Variants in SUPT3H observed in about 807,000 individuals in gnomAD.
SUPT3H encodes transcription initiation protein SPT3 homolog.
SUPT3H carries 44 observed loss-of-function variants against 44.3 expected under a neutral mutation model. That is an observed-to-expected ratio of 0.99 (90% CI 0.78 to 1.28). The LOEUF (loss-of-function observed/expected upper bound fraction) is 1.28, where lower values mean the gene tolerates loss of function less well. Ranked by LOEUF, SUPT3H falls within the 50% of genes most tolerant of loss-of-function variation. The pLI, the probability that SUPT3H is intolerant of heterozygous loss-of-function variation, is 0.00. For synonymous variants in SUPT3H, 124 were observed against 125.6 expected, an observed-to-expected ratio of 0.99 and a Z score of 0.09; for missense variants, 380 against 387.1, an observed-to-expected ratio of 0.98 and a Z score of 0.15.
intron 4 of SUPT3H, among the ~76,000 whole-genome samples, chr6:45,018,053 G>A (rs981864964): frequency 3.9e-5 from 6 of 152,052 alleles, no homozygotes; most frequent in African/African-American, 1.4e-4. Flanking sequence ...CCTTGAAGAG[G>A]TCCTTCATGT....
intron 10 of SUPT3H, among the ~76,000 whole-genome samples, chr6:44,881,952 C>A (rs979260824): frequency 6.6e-6 from 1 of 152,142 alleles, no homozygotes; most frequent in African/African-American, 2.4e-5. Flanking sequence ...CCAAAATCGA[C>A]ACCCTAACAT....
chr6:45,178,938 C>A (rs1812562405), intron 2 of SUPT3H, among the ~76,000 whole-genome samples: 1 of 151,650 alleles, frequency 6.6e-6, no homozygotes, highest in Non-Finnish European at 1.5e-5. Context: ...AAATTTATAG[C>A]ACTAAATGCC....
intron 3 of SUPT3H, among the ~76,000 whole-genome samples, chr6:45,090,877 T>C (rs975082030): frequency 1.3e-5 from 2 of 151,864 alleles, no homozygotes; most frequent in African/African-American, 4.8e-5. Flanking sequence ...TGTATTATCA[T>C]CAAATCTTAC....
chr6:45,177,494 T>C (rs1453512554), intron 2 of SUPT3H, among the ~76,000 whole-genome samples: 3 of 152,186 alleles, frequency 2.0e-5, no homozygotes, highest in African/African-American at 7.2e-5. Context: ...GAAAACACTC[T>C]GCAGGATATT....
Position 44,827,967 on chromosome 6 carries a change from T to G in SUPT3H, c.*1849A>C, listed in dbSNP as rs889220629. ...AGACCTGTCATATTTCTGAGAGAAA[T>G]GTACATTGAGTCTTCCTTCTCTGGG... On this transcript the variant is annotated 3_prime_UTR_variant, in exon 11 of 11. Coordinates refer to ENST00000371459, the MANE Select transcript of SUPT3H (RefSeq NM_003599.4). Among the ~76,000 whole-genome samples, 6 of 152,052 alleles carry G rather than the reference T, an allele frequency of 3.9e-5. No homozygotes were observed. Among genetic ancestry groups the G allele is most frequent in the East Asian group, 1.9e-4 (1 of 5,196 alleles).
intron 3 of SUPT3H, among the ~76,000 whole-genome samples, chr6:45,044,409 C>T (rs1789056409): frequency 6.6e-6 from 1 of 152,160 alleles, no homozygotes; most frequent in South Asian, 2.1e-4. Flanking sequence ...AGGGTATCTA[C>T]AGCACTAGGG....
chr6:45,222,163 T>TA (rs1377089745), intron 2 of SUPT3H, among the ~76,000 whole-genome samples: 6 of 150,200 alleles, frequency 4.0e-5, no homozygotes, highest in African/African-American at 1.5e-4. Flanking sequence ...ACATAAAACT[T>TA]AAAAAAAAAG....
chr6:45,233,362 G>T (rs940748915), intron 2 of SUPT3H, among the ~76,000 whole-genome samples: 2 of 152,198 alleles, frequency 1.3e-5, no homozygotes, highest in African/African-American at 4.8e-5. Flanking sequence ...ATGTGCTCAC[G>T]ATGGTGCTCA....
intron 1 of SUPT3H, among the ~76,000 whole-genome samples, chr6:45,371,560 T>C (rs1268971162): frequency 1.3e-5 from 2 of 152,218 alleles, no homozygotes; most frequent in Non-Finnish European, 2.9e-5. Flanking sequence ...TATGTTTTAA[T>C]AACAATCCTC....
At chr6:45,235,061 G>T (rs1252769402) in intron 2 of SUPT3H, among the ~76,000 whole-genome samples, 1 of 152,054 alleles carries the variant, frequency 6.6e-6, no homozygotes, top group Non-Finnish European at 1.5e-5. Context: ...GAGAAAAAGA[G>T]AATGGAAAGA....
At chr6:44,937,258 G>C (rs534062497) in intron 9 of SUPT3H, among the ~76,000 whole-genome samples, 4 of 151,902 alleles carry the variant, frequency 2.6e-5, no homozygotes, top group Admixed American at 2.6e-4. Flanking sequence ...TTGGGAGGCC[G>C]AGGCAGGTGG....
chr6:45,179,522 T>A (rs1418124306), intron 2 of SUPT3H, among the ~76,000 whole-genome samples: 2 of 152,172 alleles, frequency 1.3e-5, no homozygotes, highest in Non-Finnish European at 2.9e-5. Flanking sequence ...TCAAAAAACT[T>A]ATCCACCATG....
intron 2 of SUPT3H, among the ~76,000 whole-genome samples, chr6:45,170,889 TA>T (rs1215332665): frequency 6.6e-6 from 1 of 152,222 alleles, no homozygotes; most frequent in Non-Finnish European, 1.5e-5. Context: ...TGTGATATCA[TA>T]AGCCCAATAT....
intron 3 of SUPT3H, among the ~76,000 whole-genome samples, chr6:45,075,788 T>C (rs1261905969): frequency 9.9e-6 from 1 of 101,068 alleles, no homozygotes; most frequent in Non-Finnish European, 2.0e-5. Context: ...TCCACAGTAG[T>C]TCTAAATTCA....
intron 2 of SUPT3H, among the ~76,000 whole-genome samples, chr6:45,323,795 A>G (rs906776114): frequency 2.6e-5 from 4 of 152,020 alleles, no homozygotes; most frequent in Admixed American, 1.3e-4. Context: ...GGACAGTTTT[A>G]CCTACAGCCA....
chr6:45,353,842 G>A (rs112723382), intron 2 of SUPT3H, among the ~76,000 whole-genome samples: 2 of 150,792 alleles, frequency 1.3e-5, no homozygotes, highest in African/African-American at 4.9e-5. Context: ...TGCTGGCGGG[G>A]AAAATAGGGA....
At chr6:45,289,944 A>C (rs771213903) in intron 2 of SUPT3H, among the ~76,000 whole-genome samples, 1 of 152,218 alleles carries the variant, frequency 6.6e-6, no homozygotes, top group Non-Finnish European at 1.5e-5. Flanking sequence ...AGCATGTTGG[A>C]GGCTGACGCA....
intron 4 of SUPT3H, among the ~76,000 whole-genome samples, chr6:45,018,922 G>A (rs1312909827): frequency 1.3e-5 from 2 of 152,180 alleles, no homozygotes; most frequent in African/African-American, 2.4e-5. Context: ...AGAAGGAATC[G>A]TACCAGTTCC....
intron 2 of SUPT3H, among the ~76,000 whole-genome samples, chr6:45,110,537 C>G (rs1799895535): frequency 6.6e-6 from 1 of 150,544 alleles, no homozygotes. Flanking sequence ...CAACAGAACC[C>G]CTTTTCAGTG....
Sources: gnomAD v4.1 joint callset for allele counts (sites outside exome capture counted in the v4.1 genomes callset) on GRCh38, gnomAD v4.1.1 for gene constraint, MANE v1.5 for transcripts, NCBI Gene and HGNC (gene_info 2026-07-23, HGNC 2026-07-21) for gene names.